Variants in INTU observed in about 807,000 individuals in gnomAD.
INTU encodes protein inturned.
In INTU, 68 loss-of-function variants were observed where a neutral mutation model predicts 100.5. The observed-to-expected ratio is 0.68, with a 90% CI of 0.56 to 0.83. The LOEUF (loss-of-function observed/expected upper bound fraction) is 0.83. Ranked by LOEUF, INTU falls within the 40% of genes least tolerant of loss-of-function variation. INTU has a pLI of 0.00. For missense variants in INTU, 1,071 were observed against 1,114.7 expected (o/e 0.96, Z 0.56); for synonymous variants, 357 against 395.7 (o/e 0.90, Z 1.16).
In INTU at chr4:127,708,611, T is replaced by TG; in HGVS notation, c.2315dup (p.Asn773LysfsTer15). 1 of 1,600,124 alleles carries TG rather than the reference T, an allele frequency of 6.2e-7. No individual in the cohort carries two copies. Among genetic ancestry groups the TG allele is most frequent in the Non-Finnish European group, 8.5e-7 (1 of 1,170,004 alleles). ...TCTACTCTTCCAAATCCATTTCATT[T>TG]GGGAAACTTGAAAAAGGACCTTCCA... is the stretch of plus-strand genomic sequence containing the variant. On this transcript the variant is annotated frameshift_variant, in exon 13 of 16. Transcript: ENST00000335251. LOFTEE classifies it high-confidence loss of function.
intron 2 of INTU, among the ~76,000 whole-genome samples, chr4:127,654,362 G>A (rs558936590): frequency 0.01 from 1,580 of 152,018 alleles, 30 homozygotes; most frequent in African/African-American, 0.034. Context: ...GGCCGGTACC[G>A]GTTGTTCCTT....
chr4:127,691,759 C>T (rs1730138933), intron 8 of INTU, among the ~76,000 whole-genome samples: 1 of 151,618 alleles, frequency 6.6e-6, no homozygotes, highest in Non-Finnish European at 1.5e-5. Flanking sequence ...GCTCTTTCCC[C>T]CAAGTTCCCA....
chr4:127,668,051 A>G (rs1728770321), intron 4 of INTU, among the ~76,000 whole-genome samples: 1 of 152,046 alleles, frequency 6.6e-6, no homozygotes, highest in African/African-American at 2.4e-5. Flanking sequence ...GGCAATATTA[A>G]TATTTATGGA....
chr4:127,695,604 T>A (rs1730348312), intron 8 of INTU, among the ~76,000 whole-genome samples: 1 of 152,212 alleles, frequency 6.6e-6, no homozygotes, highest in Non-Finnish European at 1.5e-5. Flanking sequence ...TATAAGATTG[T>A]GTCAATTCTT....
At chr4:127,714,587 C>A (rs1038671150) in intron 15 of INTU, among the ~76,000 whole-genome samples, 8 of 152,148 alleles carry the variant, frequency 5.3e-5, no homozygotes, top group African/African-American at 1.9e-4. Flanking sequence ...ATCCCTTGAC[C>A]TTTGCACTTC....
intron 9 of INTU, among the ~76,000 whole-genome samples, chr4:127,702,844 A>G (rs1336639805): frequency 6.6e-6 from 1 of 151,924 alleles, no homozygotes. Context: ...TTCTGTCCCC[A>G]TGATTTTGCC....
In INTU at chr4:127,643,773, C is replaced by T; in HGVS notation, c.399C>T (p.Ser133=). ...CCAAGCGCTGCAATAAAAAAAATAG[C>T]AATGACAATGGACCAGTATCCATTC... ...LLPKRCNKKN[S]NDNGPVSILK... Residue 133 remains serine, a synonymous_variant, in exon 2 of 16, where the codon AGC becomes AGT. Transcript: ENST00000335251. 1 of 1,613,600 alleles carries T rather than the reference C, an allele frequency of 6.2e-7. No homozygotes were observed. Among genetic ancestry groups the T allele is most frequent in the Non-Finnish European group, 8.5e-7 (1 of 1,179,918 alleles).
intron 6 of INTU, among the ~76,000 whole-genome samples, chr4:127,683,004 C>G (rs17012567): frequency 3.9e-5 from 6 of 152,074 alleles, no homozygotes; most frequent in Non-Finnish European, 7.4e-5. Context: ...CAACCACACT[C>G]TGATGACACC....
chr4:127,706,090 G>C (rs1474470143), intron 11 of INTU, among the ~76,000 whole-genome samples: 1 of 152,064 alleles, frequency 6.6e-6, no homozygotes, highest in African/African-American at 2.4e-5. Flanking sequence ...AAAGTCTTTT[G>C]TTCCCCTTTC....
chr4:127,687,918 T>C (rs1315688776), intron 8 of INTU, 51 bp downstream of exon 8: 18 of 1,179,282 alleles, frequency 1.5e-5, no homozygotes, highest in Non-Finnish European at 2.1e-5. Flanking sequence ...CTTATTATAA[T>C]CTTGTATCTT....
At chr4:127,653,444 A>G (rs1306856389) in intron 2 of INTU, among the ~76,000 whole-genome samples, 1 of 148,082 alleles carries the variant, frequency 6.8e-6, no homozygotes, top group Non-Finnish European at 1.5e-5. Flanking sequence ...TTGGTTTCAA[A>G]GAACATCTTT....
intron 6 of INTU, among the ~76,000 whole-genome samples, chr4:127,676,748 C>A (rs1316791366): frequency 6.6e-6 from 1 of 152,136 alleles, no homozygotes; most frequent in Non-Finnish European, 1.5e-5. Flanking sequence ...ACAGTGGGCA[C>A]AGGACAGTGG....
intron 6 of INTU, among the ~76,000 whole-genome samples, chr4:127,678,244 C>A (rs1358917758): frequency 1.3e-5 from 2 of 152,066 alleles, no homozygotes; most frequent in Admixed American, 1.3e-4. Flanking sequence ...TCAGGAAATA[C>A]AGAGAACGCC....
chr4:127,651,075 T>G (rs1484267699), intron 2 of INTU, among the ~76,000 whole-genome samples: 1 of 152,154 alleles, frequency 6.6e-6, no homozygotes, highest in Non-Finnish European at 1.5e-5. Flanking sequence ...GTTTGTTTTT[T>G]TCTTGTAAAT....
At chr4:127,636,694 G>A (rs75288476) in intron 1 of INTU, among the ~76,000 whole-genome samples, 1,921 of 151,066 alleles carry the variant, frequency 0.013, 21 homozygotes, top group South Asian at 0.031. Flanking sequence ...TTCTGCCAGA[G>A]TTACATCATA....
At chr4:127,634,458 G>T (rs185288698) in intron 1 of INTU, among the ~76,000 whole-genome samples, 3 of 152,256 alleles carry the variant, frequency 2.0e-5, no homozygotes, top group Admixed American at 6.5e-5. Flanking sequence ...AATTCAAGAC[G>T]CCTGATACCT....
Position 127,723,632 on chromosome 4 carries a change from T to A in INTU, c.*7196T>A, listed in dbSNP as rs991924390. ...TGTGTGTGTATATATATGTATTTTT[T>A]AAACTATTTGTCAACTTTATTTTTT... is the stretch of plus-strand genomic sequence containing the variant. On this transcript the variant is annotated 3_prime_UTR_variant, in exon 16 of 16. Coordinates refer to ENST00000335251, the MANE Select transcript of INTU (RefSeq NM_015693.4). 2 of 152,126 alleles carry A rather than the reference T, an allele frequency of 1.3e-5. No homozygotes were observed. Among genetic ancestry groups the A allele is most frequent in the Non-Finnish European group, 2.9e-5 (2 of 68,020 alleles). 9.4% of individuals were successfully genotyped at this position (152,126 alleles called of 1,614,324 possible).
At chr4:127,711,287 A>G (rs1731084383) in intron 14 of INTU, among the ~76,000 whole-genome samples, 185 bp downstream of exon 14, 1 of 152,140 alleles carries the variant, frequency 6.6e-6, no homozygotes, top group Non-Finnish European at 1.5e-5. Context: ...TTTTATACTG[A>G]ATCTGATGTC....
chr4:127,643,531 C>A lies in INTU; in HGVS notation c.157C>A (p.Pro53Thr). ...SASSDYDDLE[P>T]EWLDSVQKNG... The stretch of plus-strand genomic sequence containing the variant: ...TTCTCTCTTTCATAGTGATCTTGAG[C>A]CTGAATGGCTGGACAGTGTGCAGAA... Residue 53 changes from proline (P) to threonine (T), a missense_variant, in exon 2 of 16, where the codon CCT becomes ACT. By Grantham distance (38) the Pro-to-Thr change is conservative. Transcript: ENST00000335251. The A allele has an allele frequency of 1.3e-6, 2 of 1,589,892 alleles. No individual in the cohort carries two copies. The highest frequency in any genetic ancestry group is 1.7e-6 in the Non-Finnish European group (2 of 1,172,808).
Sources: gnomAD v4.1 joint callset for allele counts (sites outside exome capture counted in the v4.1 genomes callset) on GRCh38, gnomAD v4.1.1 for gene constraint, MANE v1.5 for transcripts, NCBI Gene and HGNC (gene_info 2026-07-23, HGNC 2026-07-21) for gene names.